The following CAB39 variants were observed in gnomAD, a reference collection of about 807,000 sequenced individuals.
CAB39 encodes calcium binding protein 39.
Under a neutral mutation model 40.0 loss-of-function variants are expected in CAB39, and 8 were observed. The ratio of observed to expected loss-of-function variants is 0.20; its 90% CI spans 0.12 to 0.36. CAB39 has a LOEUF of 0.36. CAB39 is among the 10% of genes least tolerant of loss of function. CAB39 has a pLI of 1.00. For missense variants in CAB39, 270 were observed against 401.1 expected (o/e 0.67, Z 2.79); for synonymous variants, 156 against 141.6 (o/e 1.10, Z -0.72).
chr2:230,773,054 C>T (rs1695515864), intron 2 of CAB39, among the ~76,000 whole-genome samples: 1 of 144,408 alleles, frequency 6.9e-6, no homozygotes, highest in Non-Finnish European at 1.5e-5. Context: ...TTATGTTGAA[C>T]AAAAGAAGCC....
Position 230,819,545 on chromosome 2 carries a change from AGTAT to A in CAB39, c.*845_*848del, listed in dbSNP as rs1390190733. 3 of 152,684 alleles carry A rather than the reference AGTAT, an allele frequency of 2.0e-5. No homozygotes were observed. The highest frequency in any genetic ancestry group is 3.8e-4 in the East Asian group (2 of 5,206). The allele number at this position is 152,684 out of a possible 1,614,324, so 9.5% of individuals were successfully genotyped here. On this transcript the variant is annotated 3_prime_UTR_variant, in exon 9 of 9. Transcript: ENST00000258418. ...TACAGCAGAGGAATGTTATTGTAGTAGTATGTAACTATTACCTAATACTGAGTTT... is the reference window on the plus strand; with the variant it reads ...TACAGCAGAGGAATGTTATTGTAGTAGTAACTATTACCTAATACTGAGTTT...
chr2:230,779,718 A>G (rs1283405324), intron 2 of CAB39, among the ~76,000 whole-genome samples: 1 of 152,168 alleles, frequency 6.6e-6, no homozygotes, highest in Non-Finnish European at 1.5e-5. Flanking sequence ...AAGCCCTTGA[A>G]TGTGTTAGGG....
intron 8 of CAB39, 85 bp from the exon 9 acceptor site, chr2:230,818,431 C>T (rs1696442950): frequency 8.1e-6 from 9 of 1,115,978 alleles, no homozygotes; most frequent in Non-Finnish European, 1.2e-5. Context: ...GAGCACAGCT[C>T]TGCTTTTCTG....
chr2:230,714,746 A>G (rs140128553), intron 1 of CAB39, among the ~76,000 whole-genome samples: 195 of 152,330 alleles, frequency 1.3e-3, no homozygotes, highest in African/African-American at 4.4e-3. Context: ...TGAAATCTTT[A>G]TAGTAGAGCC....
At chr2:230,816,372 C>T (rs1279532332) in intron 7 of CAB39, among the ~76,000 whole-genome samples, 1 of 152,236 alleles carries the variant, frequency 6.6e-6, no homozygotes, top group Non-Finnish European at 1.5e-5. Context: ...TCACATAATA[C>T]TAACTTTTCA....
At chr2:230,787,312 A>G (rs1017897124) in intron 2 of CAB39, among the ~76,000 whole-genome samples, 2 of 152,324 alleles carry the variant, frequency 1.3e-5, no homozygotes, top group Non-Finnish European at 2.9e-5. Flanking sequence ...GGCTCTATTC[A>G]TGCGTCATTC....
intron 1 of CAB39, chr2:230,725,158 G>T: frequency 6.2e-7 from 1 of 1,613,296 alleles, no homozygotes; most frequent in East Asian, 2.2e-5. Context: ...AGAAGGCGTC[G>T]CACCACTCTC....
chr2:230,716,544 G>C (rs1694353122), intron 1 of CAB39, among the ~76,000 whole-genome samples: 1 of 152,110 alleles, frequency 6.6e-6, no homozygotes, highest in South Asian at 2.1e-4. Context: ...TTCTATTCCA[G>C]CTCTATTTTA....
At chr2:230,748,827 A>ATATAT (rs1379626328) in intron 1 of CAB39, among the ~76,000 whole-genome samples, 7 of 56,462 alleles carry the variant, frequency 1.2e-4, no homozygotes, top group East Asian at 5.8e-4. Flanking sequence ...AAAAAAAAAA[A>ATATAT]AAAAATATAT....
At chr2:230,761,892 TTGTTG>T (rs1695299091) in intron 2 of CAB39, among the ~76,000 whole-genome samples, 3 of 124,444 alleles carry the variant, frequency 2.4e-5, no homozygotes, top group African/African-American at 1.0e-4. Flanking sequence ...TTTTTATTTG[TTGTTG>T]TTGTTGTTGT....
chr2:230,817,917 A>G lies in CAB39; in HGVS notation c.837+20A>G, dbSNP rs771832233. On this transcript the variant is annotated intron_variant, in intron 8 of 8. Transcript: ENST00000258418. ...TTTAAGGTAGAGTACTAGAAGCATC[A>G]GTGATACTGTCCACTGGAATTGTTC... 3.8e-6 allele frequency: 6 copies of G among 1,598,144 alleles called. No homozygotes were observed. The African/African-American group carries it at 5.4e-5, about 14-fold the overall frequency.
intron 1 of CAB39, among the ~76,000 whole-genome samples, chr2:230,751,347 C>T (rs1695082679): frequency 6.6e-6 from 1 of 152,184 alleles, no homozygotes; most frequent in African/African-American, 2.4e-5. Context: ...TCCATACACA[C>T]CAGAATGTTG....
intron 1 of CAB39, among the ~76,000 whole-genome samples, chr2:230,746,550 G>A (rs558466953): frequency 6.6e-6 from 1 of 152,256 alleles, no homozygotes; most frequent in South Asian, 2.1e-4. Context: ...ATATTGCCAG[G>A]TTTATATTCA....
intron 1 of CAB39, among the ~76,000 whole-genome samples, chr2:230,714,703 G>A (rs1377949007): frequency 6.6e-6 from 1 of 152,186 alleles, no homozygotes; most frequent in Admixed American, 6.5e-5. Context: ...TTTACAGAAA[G>A]GTAAAACTTT....
chr2:230,798,841 A>G lies in CAB39; in HGVS notation c.511A>G (p.Arg171Gly). ...LWSEQFYDFF[R>G]YVEMSTFDIA... ...GTCGGAACAGTTTTATGATTTCTTC[A>G]GATATGTCGAAATGTCAACATTTGA... The change falls in exon 5 of 9, where the codon AGA (arginine) becomes GGA (glycine). Residue 171 changes from arginine (R) to glycine (G), a missense_variant. Arg to Gly is a moderately radical substitution (Grantham distance 125). Coordinates refer to ENST00000258418, the MANE Select transcript of CAB39 (RefSeq NM_016289.4). The G allele has an allele frequency of 6.2e-7, 1 of 1,610,024 alleles. No individual in the cohort carries two copies. Among genetic ancestry groups the G allele is most frequent in the Non-Finnish European group, 8.5e-7 (1 of 1,177,376 alleles).
At chr2:230,799,788 C>G (rs547464053) in intron 5 of CAB39, among the ~76,000 whole-genome samples, 1 of 152,042 alleles carries the variant, frequency 6.6e-6, no homozygotes, top group Non-Finnish European at 1.5e-5. Context: ...GTCGGGAGTT[C>G]GAGACCAGCC....
intron 2 of CAB39, among the ~76,000 whole-genome samples, chr2:230,771,625 T>C (rs1695484584): frequency 6.6e-6 from 1 of 152,168 alleles, no homozygotes; most frequent in African/African-American, 2.4e-5. Context: ...AAAATTTGAA[T>C]GGAAGTGCAA....
chr2:230,780,482 C>G (rs57262777), intron 2 of CAB39, among the ~76,000 whole-genome samples: 8,339 of 152,228 alleles, frequency 0.055, 778 homozygotes, highest in African/African-American at 0.19. Context: ...GTAACATCTC[C>G]CTAGGTCTCC....
intron 1 of CAB39, among the ~76,000 whole-genome samples, chr2:230,729,050 A>G (rs1302535300): frequency 6.7e-6 from 1 of 149,574 alleles, no homozygotes; most frequent in African/African-American, 2.6e-5. Context: ...CATTATCTCA[A>G]TTAATCCCCT....
Sources: gnomAD v4.1 joint callset for allele counts (sites outside exome capture counted in the v4.1 genomes callset) on GRCh38, gnomAD v4.1.1 for gene constraint, MANE v1.5 for transcripts, NCBI Gene and HGNC (gene_info 2026-07-23, HGNC 2026-07-21) for gene names.